ZC3H13: variants seen among roughly 807,000 people sequenced by gnomAD.
The protein encoded by ZC3H13 is zinc finger CCCH domain-containing protein 13.
Under a neutral mutation model 204.1 loss-of-function variants are expected in ZC3H13, and 64 were observed. That is an observed-to-expected ratio of 0.31 (90% CI 0.26 to 0.39). The LOEUF (loss-of-function observed/expected upper bound fraction) is 0.39. ZC3H13 is among the 10% of genes least tolerant of loss of function. ZC3H13 has a pLI of 1.00. For synonymous variants in ZC3H13, 667 were observed against 693.7 expected, an observed-to-expected ratio of 0.96 and a Z score of 0.60; for missense variants, 1,833 against 2,082.7, an observed-to-expected ratio of 0.88 and a Z score of 2.33.
chr13:45,959,770 T>C, intron 17 of ZC3H13, 124 bp from the exon 18 acceptor site: 3 of 1,126,886 alleles, frequency 2.7e-6, no homozygotes, highest in Non-Finnish European at 3.6e-6. Flanking sequence ...GAAAATTATT[T>C]CACATTAAAG....
chr13:46,045,143 A>T (rs2043858470), intron 2 of ZC3H13, 79 bp from the exon 3 acceptor site: 1 of 1,284,794 alleles, frequency 7.8e-7, no homozygotes, highest in African/African-American at 1.5e-5. Context: ...AATTAAAACA[A>T]ATGCTACCAA....
intron 17 of ZC3H13, chr13:45,962,841 C>A (rs928418173): frequency 4.1e-6 from 4 of 985,124 alleles, no homozygotes; most frequent in Admixed American, 1.2e-4. Flanking sequence ...ACCATCTACT[C>A]GTCCCTCCCC....
chr13:45,959,693 A>ATC, intron 17 of ZC3H13, 47 bp from the exon 18 acceptor site: 1 of 1,465,434 alleles, frequency 6.8e-7, no homozygotes, highest in South Asian at 1.4e-5. Context: ...AAAATAGAAA[A>ATC]GGGTTACCAA....
intron 9 of ZC3H13, among the ~76,000 whole-genome samples, chr13:45,987,327 G>C (rs1383159859): frequency 1.3e-5 from 2 of 152,134 alleles, no homozygotes; most frequent in Non-Finnish European, 2.9e-5. Flanking sequence ...AGACTCAATT[G>C]CTTATTATTT....
intron 5 of ZC3H13, among the ~76,000 whole-genome samples, chr13:46,019,437 G>C (rs1040583271): frequency 2.6e-5 from 4 of 152,182 alleles, no homozygotes; most frequent in African/African-American, 9.6e-5. Context: ...CACTGAAAAA[G>C]TTGCTTAAAT....
intron 17 of ZC3H13, among the ~76,000 whole-genome samples, chr13:45,961,529 G>A (rs1275016555): frequency 7.0e-6 from 1 of 143,026 alleles, no homozygotes; most frequent in Non-Finnish European, 1.5e-5. Context: ...GTTAGTAGAG[G>A]CTGGGAAGGG....
chr13:45,990,659 G>A (rs1000428574), intron 8 of ZC3H13, among the ~76,000 whole-genome samples: 1 of 152,216 alleles, frequency 6.6e-6, no homozygotes, highest in Middle Eastern at 3.4e-3. Context: ...AATACTCAAC[G>A]GGTCTTAGCC....
intron 10 of ZC3H13, among the ~76,000 whole-genome samples, chr13:45,983,684 C>T (rs1018951288): frequency 1.3e-5 from 2 of 151,542 alleles, no homozygotes; most frequent in Non-Finnish European, 2.9e-5. Flanking sequence ...GCCTCGGCCT[C>T]CCAAAGTGCT....
chr13:46,024,201 T>C (rs1440420178), intron 4 of ZC3H13, among the ~76,000 whole-genome samples: 1 of 143,446 alleles, frequency 7.0e-6, no homozygotes, highest in Non-Finnish European at 1.5e-5. Flanking sequence ...CACTTCCTCA[T>C]GGTACAATGC....
chr13:45,967,400 T>C, intron 15 of ZC3H13, 104 bp downstream of exon 15: 1 of 1,291,666 alleles, frequency 7.7e-7, no homozygotes, highest in Non-Finnish European at 1.0e-6. Context: ...GAGAATGGAG[T>C]CAATTTGCCC....
intron 4 of ZC3H13, among the ~76,000 whole-genome samples, chr13:46,021,394 G>A (rs541943699): frequency 6.6e-6 from 1 of 151,990 alleles, no homozygotes; most frequent in South Asian, 2.1e-4. Flanking sequence ...TTATATAATT[G>A]TTATCTTCCA....
chr13:45,976,407 G>A (rs1953052622), intron 11 of ZC3H13: 1 of 253,058 alleles, frequency 4.0e-6, no homozygotes, highest in South Asian at 1.5e-4. Flanking sequence ...AATATAACAT[G>A]AACTGTAATA....
At chr13:46,039,006 G>C (rs897542449) in intron 4 of ZC3H13, among the ~76,000 whole-genome samples, 6 of 151,982 alleles carry the variant, frequency 3.9e-5, no homozygotes, top group African/African-American at 1.5e-4. Flanking sequence ...TGGGAGACAG[G>C]GTGAGACTCT....
At chr13:46,028,088 C>T (rs1194667112) in intron 4 of ZC3H13, among the ~76,000 whole-genome samples, 2 of 151,844 alleles carry the variant, frequency 1.3e-5, no homozygotes, top group Admixed American at 6.6e-5. Context: ...ACAAGAAACC[C>T]ACATATAAAC....
chr13:46,034,266 A>C (rs978906308), intron 4 of ZC3H13, among the ~76,000 whole-genome samples: 2 of 152,184 alleles, frequency 1.3e-5, no homozygotes, highest in Admixed American at 1.3e-4. Flanking sequence ...AAAAATATAC[A>C]TAAGACACAG....
chr13:45,958,805 C>A (rs1951469033), intron 18 of ZC3H13, among the ~76,000 whole-genome samples: 1 of 152,042 alleles, frequency 6.6e-6, no homozygotes, highest in African/African-American at 2.4e-5. Context: ...CAGATGCCCG[C>A]CACCATGCCC....
chr13:46,017,481 C>T (rs1054206040), intron 5 of ZC3H13, among the ~76,000 whole-genome samples: 4 of 137,604 alleles, frequency 2.9e-5, no homozygotes, highest in Middle Eastern at 3.3e-3. Flanking sequence ...AAAACACTGC[C>T]ACCTCCTCAC....
At chr13:46,039,589 T>C (rs906905895) in intron 4 of ZC3H13, among the ~76,000 whole-genome samples, 1 of 152,304 alleles carries the variant, frequency 6.6e-6, no homozygotes, top group East Asian at 1.9e-4. Context: ...CTAATAACAA[T>C]TCATCTAGTA....
At position 45,993,598 on chromosome 13, in the gene ZC3H13, T is replaced by C. The variant is rs115160511; in HGVS notation, c.945-4501A>G. Among the ~76,000 whole-genome samples, 1,299 of 152,268 alleles carry C rather than the reference T, an allele frequency of 8.5e-3. 18 individuals are homozygous for C. The highest frequency in any genetic ancestry group is 0.029 in the African/African-American group (1,219 of 41,552). On this transcript the variant is annotated intron_variant, in intron 8 of 18. Transcript: ENST00000679008. ...AAAAGTCTGGATTTTATTCTAAGCATGAGAGAAAGCACTGGAGAGTGATAG... is the reference window on the plus strand; with the variant it reads ...AAAAGTCTGGATTTTATTCTAAGCACGAGAGAAAGCACTGGAGAGTGATAG...
Sources: gnomAD v4.1 joint callset for allele counts (sites outside exome capture counted in the v4.1 genomes callset) on GRCh38, gnomAD v4.1.1 for gene constraint, MANE v1.5 for transcripts, NCBI Gene and HGNC (gene_info 2026-07-23, HGNC 2026-07-21) for gene names.